Variants in LUZP2 observed in about 807,000 individuals in gnomAD.
LUZP2 encodes the protein leucine zipper protein 2.
LUZP2 carries 52 observed loss-of-function variants against 51.6 expected under a neutral mutation model. The ratio of observed to expected loss-of-function variants is 1.01; its 90% CI spans 0.81 to 1.27. The LOEUF is 1.27. Ranked by LOEUF, LUZP2 falls within the 50% of genes most tolerant of loss-of-function variation. The pLI is 0.00. For synonymous variants in LUZP2, 154 were observed against 137.3 expected (o/e 1.12, Z -0.85); for missense variants, 436 against 395.4 (o/e 1.10, Z -0.87).
chr11:24,927,020 A>G (rs1477491235), intron 7 of LUZP2, among the ~76,000 whole-genome samples: 1 of 150,720 alleles, frequency 6.6e-6, no homozygotes, highest in African/African-American at 2.4e-5. Context: ...GTATTTTCTT[A>G]TATGTTTGTT....
intron 8 of LUZP2, among the ~76,000 whole-genome samples, chr11:24,977,787 A>G (rs1004835953): frequency 6.6e-6 from 1 of 151,628 alleles, no homozygotes; most frequent in African/African-American, 2.4e-5. Flanking sequence ...TGTAACAAGT[A>G]TATATGTATT....
intron 1 of LUZP2, among the ~76,000 whole-genome samples, chr11:24,517,035 C>T (rs1248649329): frequency 6.6e-6 from 1 of 152,020 alleles, no homozygotes; most frequent in Non-Finnish European, 1.5e-5. Flanking sequence ...TGTCTTTGAA[C>T]CTTTCCTAAT....
intron 1 of LUZP2, among the ~76,000 whole-genome samples, chr11:24,680,973 A>AT (rs67751061): frequency 1.8e-4 from 20 of 113,680 alleles, no homozygotes; most frequent in Non-Finnish European, 3.2e-4. Context: ...TTCTTTCTTT[A>AT]TTTTTTTTTT....
intron 1 of LUZP2, among the ~76,000 whole-genome samples, chr11:24,612,516 G>A (rs1276759812): frequency 1.3e-5 from 2 of 152,028 alleles, no homozygotes; most frequent in African/African-American, 2.4e-5. Flanking sequence ...TATATTGAAA[G>A]TAAGCTATCA....
chr11:24,582,497 A>G (rs1048135448), intron 1 of LUZP2, among the ~76,000 whole-genome samples: 1 of 152,092 alleles, frequency 6.6e-6, no homozygotes, highest in African/African-American at 2.4e-5. Flanking sequence ...TAGACTAACC[A>G]AAATATCTTC....
chr11:24,902,141 TCTA>T (rs1853298791), intron 5 of LUZP2, among the ~76,000 whole-genome samples: 1 of 152,146 alleles, frequency 6.6e-6, no homozygotes, highest in Admixed American at 6.6e-5. Flanking sequence ...TATCAAAACA[TCTA>T]ATAATAGTAA....
chr11:24,965,115 G>A (rs917658157), intron 7 of LUZP2, among the ~76,000 whole-genome samples: 9 of 151,038 alleles, frequency 6.0e-5, no homozygotes, highest in Non-Finnish European at 8.9e-5. Context: ...ATAGGAAGAC[G>A]TCTAAACCAA....
At chr11:24,869,377 C>T (rs1361983658) in intron 5 of LUZP2, among the ~76,000 whole-genome samples, 2 of 152,092 alleles carry the variant, frequency 1.3e-5, no homozygotes, top group Non-Finnish European at 2.9e-5. Flanking sequence ...CACCACTTTT[C>T]CAACAGCATT....
intron 9 of LUZP2, among the ~76,000 whole-genome samples, chr11:24,997,317 G>C (rs1856535057): frequency 6.6e-6 from 1 of 152,174 alleles, no homozygotes. Flanking sequence ...CATTCTAACT[G>C]GTGTGAGATG....
At chr11:24,949,415 T>C (rs1020598744) in intron 7 of LUZP2, among the ~76,000 whole-genome samples, 1 of 151,632 alleles carries the variant, frequency 6.6e-6, no homozygotes, top group African/African-American at 2.4e-5. Flanking sequence ...TTTTATTCTC[T>C]TCACTAACAC....
chr11:24,667,116 C>T (rs1198451323), intron 1 of LUZP2, among the ~76,000 whole-genome samples: 1 of 151,934 alleles, frequency 6.6e-6, no homozygotes, highest in African/African-American at 2.4e-5. Context: ...ATGAAAACCT[C>T]CTGACTTTTC....
intron 4 of LUZP2, among the ~76,000 whole-genome samples, chr11:24,752,778 C>CA (rs1275071804): frequency 6.6e-6 from 1 of 151,512 alleles, no homozygotes; most frequent in South Asian, 2.1e-4. Flanking sequence ...GGAAAAAAGG[C>CA]AAAAAATTCA....
At chr11:24,665,217 T>G (rs999248936) in intron 1 of LUZP2, among the ~76,000 whole-genome samples, 1 of 152,212 alleles carries the variant, frequency 6.6e-6, no homozygotes, top group African/African-American at 2.4e-5. Flanking sequence ...TATTGGATTT[T>G]GGACTTGCAT....
intron 5 of LUZP2, among the ~76,000 whole-genome samples, chr11:24,880,047 G>A (rs984566685): frequency 6.6e-6 from 1 of 152,164 alleles, no homozygotes. Context: ...TGTAGTCCTT[G>A]TGCCCTAGAC....
chr11:24,535,939 T>A (rs955879043), intron 1 of LUZP2, among the ~76,000 whole-genome samples: 6 of 151,686 alleles, frequency 4.0e-5, no homozygotes, highest in Non-Finnish European at 8.9e-5. Flanking sequence ...AAGTCAAAAT[T>A]ACTCCTTGAT....
intron 6 of LUZP2, among the ~76,000 whole-genome samples, chr11:24,908,733 G>A (rs1853536208): frequency 6.6e-6 from 1 of 150,670 alleles, no homozygotes; most frequent in African/African-American, 2.4e-5. Context: ...ACAGGAAGTT[G>A]CTTTTTTTGT....
chr11:24,824,948 T>G (rs1252549364), intron 5 of LUZP2, among the ~76,000 whole-genome samples: 3 of 152,160 alleles, frequency 2.0e-5, no homozygotes, highest in Non-Finnish European at 4.4e-5. Flanking sequence ...AATGAAACTA[T>G]AGGCTCTATA....
chr11:24,548,263 C>A (rs907045722), intron 1 of LUZP2, among the ~76,000 whole-genome samples: 1 of 151,962 alleles, frequency 6.6e-6, no homozygotes, highest in African/African-American at 2.4e-5. Flanking sequence ...ATGTTCATTG[C>A]AGCACTGTTC....
chr11:24,579,963 T>C (rs1369796527), intron 1 of LUZP2, among the ~76,000 whole-genome samples: 1 of 152,110 alleles, frequency 6.6e-6, no homozygotes, highest in African/African-American at 2.4e-5. Context: ...TTTACCTTAG[T>C]GATCAGTATG....
Sources: gnomAD v4.1 joint callset for allele counts (sites outside exome capture counted in the v4.1 genomes callset) on GRCh38, gnomAD v4.1.1 for gene constraint, MANE v1.5 for transcripts, NCBI Gene and HGNC (gene_info 2026-07-23, HGNC 2026-07-21) for gene names.